RAD51B: variants seen among roughly 807,000 people sequenced by gnomAD.
RAD51B encodes DNA repair protein RAD51 homolog 2.
Under a neutral mutation model 42.2 loss-of-function variants are expected in RAD51B, and 38 were observed. That is an observed-to-expected ratio of 0.90 (90% CI 0.70 to 1.18). The LOEUF is 1.18. Ranked by LOEUF, RAD51B falls within the 50% of genes most tolerant of loss-of-function variation. The pLI is 0.00. For synonymous variants in RAD51B, 154 were observed against 145.2 expected (o/e 1.06, Z -0.43); for missense variants, 373 against 400.7 (o/e 0.93, Z 0.59).
intron 9 of RAD51B, among the ~76,000 whole-genome samples, chr14:68,456,330 A>G (rs1566894590): frequency 6.6e-6 from 1 of 152,198 alleles, no homozygotes; most frequent in Non-Finnish European, 1.5e-5. Flanking sequence ...CCAACTATAT[A>G]TGCTGTCTAC....
intron 11 of RAD51B, among the ~76,000 whole-genome samples, chr14:68,654,709 G>A (rs940831901): frequency 2.0e-5 from 3 of 152,156 alleles, no homozygotes; most frequent in South Asian, 2.1e-4. Flanking sequence ...CAACTCTACC[G>A]CGGCCTTGAG....
intron 8 of RAD51B, among the ~76,000 whole-genome samples, chr14:68,362,633 A>T (rs2083050094): frequency 6.6e-6 from 1 of 152,176 alleles, no homozygotes; most frequent in Non-Finnish European, 1.5e-5. Flanking sequence ...GCGGATCACG[A>T]GATCAGGAGA....
chr14:67,886,031 G>T, intron 6 of RAD51B, 43 bp downstream of exon 6: 1 of 1,415,494 alleles, frequency 7.1e-7, no homozygotes, highest in Non-Finnish European at 9.6e-7. Flanking sequence ...TGCGTTGAAG[G>T]TTTATGTTTT....
intron 8 of RAD51B, among the ~76,000 whole-genome samples, chr14:68,334,133 T>C (rs2082401275): frequency 6.6e-6 from 1 of 152,106 alleles, no homozygotes; most frequent in Non-Finnish European, 1.5e-5. Context: ...GGCTGAATAG[T>C]AGAGTCAACC....
intron 10 of RAD51B, chr14:68,564,056 G>T (rs922859775): frequency 8.8e-5 from 44 of 502,324 alleles, no homozygotes; most frequent in Non-Finnish European, 1.1e-4. Context: ...TGCATGGGCT[G>T]GGGGAGGCTG....
intron 7 of RAD51B, among the ~76,000 whole-genome samples, chr14:67,916,152 A>G (rs1168430117): frequency 1.3e-5 from 2 of 152,222 alleles, no homozygotes; most frequent in African/African-American, 4.8e-5. Context: ...GCTCAAAGAA[A>G]TTTCCAAGCT....
chr14:68,015,077 ACT>A (rs968766165), intron 7 of RAD51B, among the ~76,000 whole-genome samples: 2 of 151,896 alleles, frequency 1.3e-5, no homozygotes, highest in African/African-American at 4.8e-5. Context: ...TACTTAAAAC[ACT>A]CTGTGATTCA....
intron 10 of RAD51B, among the ~76,000 whole-genome samples, chr14:68,602,433 GAGAAAC>G (rs1891255663): frequency 6.6e-6 from 1 of 152,028 alleles, no homozygotes; most frequent in Non-Finnish European, 1.5e-5. Flanking sequence ...GGGCTCTCCA[GAGAAAC>G]AGAACCAACA....
intron 9 of RAD51B, among the ~76,000 whole-genome samples, chr14:68,413,365 C>G (rs1393577829): frequency 6.6e-6 from 1 of 151,990 alleles, no homozygotes; most frequent in East Asian, 1.9e-4. Context: ...TTCATCAACT[C>G]CCATCCCATT....
intron 10 of RAD51B, among the ~76,000 whole-genome samples, chr14:68,555,813 C>T (rs1165874311): frequency 2.0e-5 from 3 of 152,150 alleles, no homozygotes; most frequent in East Asian, 1.9e-4. Context: ...AAATACCCTC[C>T]GCATCCCACC....
intron 7 of RAD51B, among the ~76,000 whole-genome samples, chr14:68,206,316 G>A (rs1484119199): frequency 6.6e-6 from 1 of 152,096 alleles, no homozygotes; most frequent in Admixed American, 6.5e-5. Flanking sequence ...CTTTGTGTAG[G>A]TACTGTTTTT....
Position 68,349,249 on chromosome 14 carries a change from G to A in RAD51B, c.853+57269G>A, listed in dbSNP as rs370985243. On this transcript the variant is annotated intron_variant, in intron 8 of 10. Coordinates refer to ENST00000471583, the MANE Select transcript of RAD51B (RefSeq NM_133510.4). ...TAGGCCAAATGGACATTGGCTGAGTGTCATTGTAAAATCTTGGTCTTAGGC... is the reference window on the plus strand; with the variant it reads ...TAGGCCAAATGGACATTGGCTGAGTATCATTGTAAAATCTTGGTCTTAGGC... 6.6e-4 allele frequency among the ~76,000 whole-genome samples: 100 copies of A among 152,284 alleles called. 1 individual carries two copies. The highest frequency in any genetic ancestry group is 3.4e-3 in the Middle Eastern group (1 of 294).
chr14:68,247,606 A>C (rs1420525638), intron 7 of RAD51B, among the ~76,000 whole-genome samples: 1 of 152,244 alleles, frequency 6.6e-6, no homozygotes, highest in South Asian at 2.1e-4. Context: ...AGTAGAAACA[A>C]CTAACCAAGA....
At chr14:68,561,723 G>A (rs1356628595) in intron 10 of RAD51B, among the ~76,000 whole-genome samples, 1 of 152,202 alleles carries the variant, frequency 6.6e-6, no homozygotes, top group African/African-American at 2.4e-5. Flanking sequence ...AAGCCAGAGG[G>A]AGCAGGCCCT....
chr14:68,317,143 T>C (rs561777109), intron 8 of RAD51B, among the ~76,000 whole-genome samples: 1 of 152,240 alleles, frequency 6.6e-6, no homozygotes, highest in East Asian at 1.9e-4. Flanking sequence ...ACATTTTCCA[T>C]ATTTTTGCTT....
At chr14:68,384,195 TAAC>T (rs1460954878) in intron 8 of RAD51B, among the ~76,000 whole-genome samples, 1 of 152,200 alleles carries the variant, frequency 6.6e-6, no homozygotes, top group African/African-American at 2.4e-5. Flanking sequence ...CAGAATGAAA[TAAC>T]AAAGAATGAG....
At chr14:68,482,948 C>T (rs1042921925), downstream of RAD51B, among the ~76,000 whole-genome samples, 1 of 152,180 alleles carries the variant, frequency 6.6e-6, no homozygotes. Flanking sequence ...ACTCTCCAGA[C>T]AAGCTCTCCA....
intron 10 of RAD51B, among the ~76,000 whole-genome samples, chr14:68,514,051 C>T (rs1406739403): frequency 4.6e-5 from 7 of 152,188 alleles, no homozygotes; most frequent in African/African-American, 1.7e-4. Flanking sequence ...GCTCAGCAAA[C>T]GGTGGTCACT....
At chr14:68,001,771 C>T (rs1460354648) in intron 7 of RAD51B, among the ~76,000 whole-genome samples, 6 of 152,184 alleles carry the variant, frequency 3.9e-5, no homozygotes, top group African/African-American at 7.2e-5. Context: ...TCATCCAGCT[C>T]CTACTTACAA....
Sources: gnomAD v4.1 joint callset for allele counts (sites outside exome capture counted in the v4.1 genomes callset) on GRCh38, gnomAD v4.1.1 for gene constraint, MANE v1.5 for transcripts, NCBI Gene and HGNC (gene_info 2026-07-23, HGNC 2026-07-21) for gene names.